PRKG1: variants seen among roughly 807,000 people sequenced by gnomAD.
PRKG1 encodes cGMP-dependent protein kinase 1.
In PRKG1, 35 loss-of-function variants were observed where a neutral mutation model predicts 88.1. The observed-to-expected ratio is 0.40, with a 90% CI of 0.30 to 0.53. The LOEUF is 0.53. Ranked by LOEUF, PRKG1 falls within the 20% of genes least tolerant of loss-of-function variation. The pLI, the probability that PRKG1 is intolerant of heterozygous loss-of-function variation, is 0.59. For missense variants in PRKG1, 540 were observed against 839.8 expected (o/e 0.64, Z 4.41); for synonymous variants, 303 against 292.5 (o/e 1.04, Z -0.37).
intron 3 of PRKG1, among the ~76,000 whole-genome samples, chr10:51,686,227 T>G (rs1165780664): frequency 6.6e-6 from 1 of 152,162 alleles, no homozygotes; most frequent in African/African-American, 2.4e-5. Context: ...GGGGCTTTGG[T>G]GTACAATTAA....
intron 2 of PRKG1, among the ~76,000 whole-genome samples, chr10:51,193,045 C>T (rs1337523264): frequency 2.6e-5 from 4 of 151,996 alleles, no homozygotes; most frequent in African/African-American, 9.7e-5. Context: ...AAAAGGACAT[C>T]TAATTTAGCT....
At chr10:51,533,663 A>G (rs1842073410) in intron 3 of PRKG1, among the ~76,000 whole-genome samples, 1 of 151,762 alleles carries the variant, frequency 6.6e-6, no homozygotes, top group African/African-American at 2.4e-5. Flanking sequence ...CCACTTCCTC[A>G]AACAAACTGA....
chr10:51,949,325 G>T (rs1157319897), intron 5 of PRKG1, among the ~76,000 whole-genome samples: 3 of 152,010 alleles, frequency 2.0e-5, no homozygotes, highest in South Asian at 2.1e-4. Flanking sequence ...TAAGAAATTT[G>T]GTTTAGGCTG....
intron 1 of PRKG1, among the ~76,000 whole-genome samples, chr10:51,114,239 A>G (rs1196028010): frequency 6.6e-6 from 1 of 152,196 alleles, no homozygotes; most frequent in Non-Finnish European, 1.5e-5. Context: ...TATGAAAGCT[A>G]GGGAGGTTGT....
At chr10:52,137,107 A>G (rs1488182231) in intron 8 of PRKG1, among the ~76,000 whole-genome samples, 3 of 152,086 alleles carry the variant, frequency 2.0e-5, no homozygotes, top group African/African-American at 7.2e-5. Flanking sequence ...AGACATTAGC[A>G]CTGTCAACAA....
chr10:52,070,627 C>T (rs1846473446), intron 7 of PRKG1, among the ~76,000 whole-genome samples: 1 of 152,110 alleles, frequency 6.6e-6, no homozygotes, highest in South Asian at 2.1e-4. Context: ...GACCTAACCT[C>T]ATCATCATAT....
chr10:52,295,437 A>G lies in PRKG1; in HGVS notation c.*1537A>G, dbSNP rs1208392130. ...TGTCAAGCTGATTTACTTTATTCACATGGAGAAAAGAATCCACAAATTAAA... is the reference window on the plus strand; with the variant it reads ...TGTCAAGCTGATTTACTTTATTCACGTGGAGAAAAGAATCCACAAATTAAA... On this transcript the variant is annotated 3_prime_UTR_variant, in exon 18 of 18. Coordinates refer to ENST00000373980, the MANE Select transcript of PRKG1 (RefSeq NM_006258.4). 2 of 152,102 alleles carry G rather than the reference A, an allele frequency of 1.3e-5. No individual in the cohort carries two copies. The allele number at this position is 152,102 out of a possible 1,614,324, so 9.4% of individuals were successfully genotyped here. A position where few individuals can be genotyped will look rare whatever the true frequency, so the allele number is the denominator to read the frequency against.
chr10:51,628,485 T>G (rs1839431663), intron 3 of PRKG1, among the ~76,000 whole-genome samples: 1 of 152,020 alleles, frequency 6.6e-6, no homozygotes, highest in Non-Finnish European at 1.5e-5. Flanking sequence ...CAGTGGTAAA[T>G]TAGTACACGT....
intron 3 of PRKG1, among the ~76,000 whole-genome samples, chr10:51,550,975 T>C (rs1411456267): frequency 6.6e-6 from 1 of 151,926 alleles, no homozygotes; most frequent in Admixed American, 6.6e-5. Context: ...GGAGGATGCT[T>C]AAACCTTTAT....
intron 3 of PRKG1, among the ~76,000 whole-genome samples, chr10:51,517,003 T>A (rs1841605709): frequency 6.6e-6 from 1 of 152,186 alleles, no homozygotes; most frequent in Admixed American, 6.5e-5. Flanking sequence ...GAGGAGAGAT[T>A]GTATAAATTG....
chr10:51,863,172 G>C (rs1230680503), intron 4 of PRKG1, among the ~76,000 whole-genome samples: 1 of 151,864 alleles, frequency 6.6e-6, no homozygotes, highest in African/African-American at 2.4e-5. Context: ...ACCCTGATAT[G>C]ATATCCTGGT....
At chr10:51,600,125 A>G (rs901978537) in intron 3 of PRKG1, among the ~76,000 whole-genome samples, 10 of 152,196 alleles carry the variant, frequency 6.6e-5, no homozygotes, top group African/African-American at 2.4e-4. Context: ...GTAACTGTTT[A>G]ATGACAGCTC....
rs956251239 is a variant in PRKG1, at chr10:51,338,885, A to C, written c.479-128838A>C. Among the ~76,000 whole-genome samples, 4 of 152,220 alleles carry C rather than the reference A, an allele frequency of 2.6e-5. 1 individual carries two copies. The South Asian group carries it at 6.2e-4, about 24-fold the overall frequency. On this transcript the variant is annotated intron_variant, in intron 2 of 17. Transcript: ENST00000373980. ...ATAGCCCACAAAAGATATCTAGCGC[A>C]ATGCTAAGTTTGTCCTGGAGAATAA...
chr10:52,080,573 G>T (rs1320536512), intron 7 of PRKG1, among the ~76,000 whole-genome samples: 1 of 152,100 alleles, frequency 6.6e-6, no homozygotes, highest in African/African-American at 2.4e-5. Flanking sequence ...AACTAGTTCG[G>T]TAAGGGGCTT....
At chr10:51,481,565 T>C (rs967230578) in intron 3 of PRKG1, among the ~76,000 whole-genome samples, 5 of 152,150 alleles carry the variant, frequency 3.3e-5, no homozygotes, top group Non-Finnish European at 5.9e-5. Flanking sequence ...TTTGGTTCAA[T>C]AGAATACATT....
chr10:51,662,497 G>A (rs559662991), intron 3 of PRKG1, among the ~76,000 whole-genome samples: 1 of 152,068 alleles, frequency 6.6e-6, no homozygotes, highest in Admixed American at 6.6e-5. Context: ...ATAAGACTTA[G>A]AATTGTGGTT....
chr10:51,474,768 G>A lies in PRKG1; in HGVS notation c.592+6932G>A, dbSNP rs139465515. 2.2e-3 allele frequency among the ~76,000 whole-genome samples: 331 copies of A among 152,058 alleles called. 1 individual carries two copies. The highest frequency in any genetic ancestry group is 7.7e-3 in the African/African-American group (320 of 41,502). On this transcript the variant is annotated intron_variant, in intron 3 of 17. Transcript: ENST00000373980. ...ATAACAAAATAAAAGGATAAGCTGA[G>A]TCATGACAAGTGTGTTTGCCTTCAT...
chr10:51,001,968 C>T (rs945715262), intron 1 of PRKG1, among the ~76,000 whole-genome samples: 11 of 150,974 alleles, frequency 7.3e-5, no homozygotes, highest in African/African-American at 2.7e-4. Flanking sequence ...CATTTTTTTC[C>T]AGTTAGTAGT....
intron 3 of PRKG1, among the ~76,000 whole-genome samples, chr10:51,554,106 GCGTATGTGATACGTGTA>G: frequency 1.4e-5 from 2 of 139,144 alleles, no homozygotes; most frequent in African/African-American, 5.6e-5. Flanking sequence ...TATTATATGT[GCGTATGTGATACGTGTA>G]TATATTATAT....
Sources: allele counts gnomAD v4.1 joint callset (sites outside exome capture counted in the v4.1 genomes callset), GRCh38; gene constraint gnomAD v4.1.1; transcripts MANE v1.5; gene names NCBI Gene and HGNC (gene_info 2026-07-23, HGNC 2026-07-21).